The following EWSR1 variants were observed in gnomAD, a reference collection of about 807,000 sequenced individuals.
EWSR1 encodes EWS RNA binding protein 1.
A neutral mutation model predicts 92.1 loss-of-function variants in EWSR1; 14 were observed. The ratio of observed to expected loss-of-function variants is 0.15; its 90% CI spans 0.10 to 0.24. The LOEUF is 0.24. EWSR1 is among the 10% of genes least tolerant of loss of function. EWSR1 has a pLI of 1.00. For missense variants in EWSR1, 637 were observed against 870.9 expected, an observed-to-expected ratio of 0.73 and a Z score of 3.38; for synonymous variants, 303 against 292.9, an observed-to-expected ratio of 1.03 and a Z score of -0.35.
chr22:29,269,311 A>AG (rs1308519403), intron 1 of EWSR1: 3 of 152,170 alleles, frequency 2.0e-5, no homozygotes, highest in South Asian at 2.1e-4. Context: ...GACAGAGGAG[A>AG]GGGGAAAAAA....
At chr22:29,273,007 A>G (rs899180249) in intron 3 of EWSR1, among the ~76,000 whole-genome samples, 7 of 152,252 alleles carry the variant, frequency 4.6e-5, no homozygotes, top group African/African-American at 1.7e-4. Context: ...AATAACTGCC[A>G]TGGAAACATG....
intron 12 of EWSR1, 152 bp downstream of exon 12, chr22:29,296,520 A>G: frequency 1.2e-6 from 1 of 803,794 alleles, no homozygotes; most frequent in East Asian, 2.6e-5. Flanking sequence ...GCACCCAGCC[A>G]TTGACCCTGG....
At chr22:29,271,799 A>G (rs574141596) in intron 1 of EWSR1, among the ~76,000 whole-genome samples, 2 of 152,322 alleles carry the variant, frequency 1.3e-5, no homozygotes, top group Non-Finnish European at 2.9e-5. Flanking sequence ...AACGTAACCA[A>G]TCTAGTGTTA....
At chr22:29,291,379 G>A in intron 8 of EWSR1, 183 bp from the exon 9 acceptor site, 1 of 563,196 alleles carries the variant, frequency 1.8e-6, no homozygotes, top group Non-Finnish European at 3.1e-6. Context: ...AGACAAGCAA[G>A]GTTGTATATT....
Position 29,299,578 on chromosome 22 carries a change from G to A in EWSR1, c.1679-21G>A, listed in dbSNP as rs370617862. The A allele has an allele frequency of 8.9e-5, 140 of 1,566,928 alleles. 1 individual carries two copies. Among genetic ancestry groups the A allele is most frequent in the Admixed American group, 8.2e-4 (47 of 57,112 alleles). ...CTGCAGCCACCCACTGACTGCTTTC[G>A]CCCTGCTATTCTCACCTTAGGTGGT... On this transcript the variant is annotated intron_variant, in intron 15 of 16. Transcript: ENST00000397938.
intron 13 of EWSR1, 52 bp from the exon 14 acceptor site, chr22:29,298,681 A>G: frequency 1.2e-6 from 2 of 1,605,478 alleles, no homozygotes; most frequent in Non-Finnish European, 8.5e-7. Flanking sequence ...TCCTATAGCA[A>G]ATTTGGTGCT....
intron 8 of EWSR1, chr22:29,289,731 C>T (rs1388841689): frequency 4.3e-6 from 1 of 232,094 alleles, no homozygotes; most frequent in Non-Finnish European, 8.5e-6. Context: ...ACAGAATGAA[C>T]TTCAAAATTA....
rs199957418 is a variant in EWSR1 at position 29,299,607 on chromosome 22, C to G, written c.1687C>G (p.Arg563Gly). 6.3e-7 allele frequency: 1 copy of G among 1,598,270 alleles called. No homozygotes were observed. The highest frequency in any genetic ancestry group is 1.7e-5 in the Admixed American group (1 of 59,436). The change falls in exon 16 of 17, where the codon CGT (arginine) becomes GGT (glycine). Residue 563 changes from arginine to glycine, a missense_variant. Arg to Gly is a moderately radical substitution (Grantham distance 125). Transcript: ENST00000397938. ...PPPFPPPGGD[R>G]GRGGPGGMRG... The stretch of plus-strand genomic sequence containing the variant: ...TGCTATTCTCACCTTAGGTGGTGAT[C>G]GTGGCAGAGGTGGCCCTGGTGGCAT...
chr22:29,282,106 T>G (rs902968293), intron 5 of EWSR1, among the ~76,000 whole-genome samples: 3 of 152,214 alleles, frequency 2.0e-5, no homozygotes, highest in Non-Finnish European at 2.9e-5. Flanking sequence ...AACGCACTTT[T>G]ATAGCGTTTA....
At chr22:29,287,428 G>A (rs1006191588) in intron 7 of EWSR1, among the ~76,000 whole-genome samples, 5 of 152,216 alleles carry the variant, frequency 3.3e-5, no homozygotes, top group Middle Eastern at 3.4e-3. Context: ...GGCTGGTCTC[G>A]AACTCCTGAC....
In EWSR1 at chr22:29,288,082, A is replaced by T. The variant is rs554247272; in HGVS notation, c.794-524A>T. Reference sequence around the variant, plus strand: ...GGAAAAATAATCCTCCTCACAGAATATTTGCAGTTCTTCTGTATGGAGAGA... The same window carrying T: ...GGAAAAATAATCCTCCTCACAGAATTTTTGCAGTTCTTCTGTATGGAGAGA... On this transcript the variant is annotated intron_variant, in intron 7 of 16. Coordinates refer to ENST00000397938, the MANE Select transcript of EWSR1 (RefSeq NM_005243.4). Among the ~76,000 whole-genome samples, 22 of 152,304 alleles carry T rather than the reference A, an allele frequency of 1.4e-4. No individual in the cohort carries two copies. The South Asian group carries it at 4.6e-3, about 32-fold the overall frequency.
rs2061113608 is a variant in EWSR1, at chr22:29,298,952, C to CCCATCCCCACTCTAGAGTGGATTG, written c.1580+59_1580+82dup. On this transcript the variant is annotated intron_variant, in intron 14 of 16. Coordinates refer to ENST00000397938, the MANE Select transcript of EWSR1 (RefSeq NM_005243.4). ...ACGAGTGAAGCCACCCTTCCCTCAC[C>CCCATCCCCACTCTAGAGTGGATTG]CCATCCCCACTCTAGAGTGGATTGC... is the stretch of plus-strand genomic sequence containing the variant. 13 of 1,482,598 alleles carry CCCATCCCCACTCTAGAGTGGATTG rather than the reference C, an allele frequency of 8.8e-6. No homozygotes were observed. The South Asian group carries it at 1.6e-4, about 18-fold the overall frequency. 91.8% of individuals were successfully genotyped at this position (1,482,598 alleles called of 1,614,324 possible).
intron 1 of EWSR1, among the ~76,000 whole-genome samples, chr22:29,270,122 G>A (rs931094220): frequency 6.6e-6 from 1 of 152,192 alleles, no homozygotes; most frequent in African/African-American, 2.4e-5. Flanking sequence ...GCTGACTTCA[G>A]CTCAGGTACT....
At position 29,275,660 on chromosome 22, in the gene EWSR1, A is replaced by T. The variant is rs572381143; in HGVS notation, c.226+1796A>T. ...CACATGCTGCATTTTTCCTTACCTC[A>T]TACTGCCTTTACACATGAAAGTTAT... On this transcript the variant is annotated intron_variant, in intron 4 of 16. Coordinates refer to ENST00000397938, the MANE Select transcript of EWSR1 (RefSeq NM_005243.4). The T allele has an allele frequency of 2.2e-5, 5 of 229,518 alleles. No homozygotes were observed. In the East Asian group the frequency reaches 3.1e-4, roughly 14 times the overall value. The allele number at this position is 229,518 out of a possible 1,614,324, so 14.2% of individuals were successfully genotyped here. A position where few individuals can be genotyped will look rare whatever the true frequency, so the allele number is the denominator to read the frequency against.
In EWSR1 at chr22:29,296,354, T is replaced by C; in HGVS notation, c.1280T>C (p.Val427Ala). 1.2e-6 allele frequency: 2 copies of C among 1,614,120 alleles called. No individual in the cohort carries two copies. Among genetic ancestry groups the C allele is most frequent in the Non-Finnish European group, 1.7e-6 (2 of 1,179,970 alleles). ...GACCCACCCACTGCCAAGGCTGCCG[T>C]GGAATGGTTTGATGGTGAGATGTAC... ...YEDPPTAKAA[V>A]EWFDGKDFQG... Residue 427 changes from valine to alanine, a missense_variant, in exon 12 of 17, where the codon GTG (valine) becomes GCG (alanine). Physicochemically the swap from Val to Ala is moderately conservative, Grantham distance 64 (BLOSUM62 0). Transcript: ENST00000397938.
intron 7 of EWSR1, among the ~76,000 whole-genome samples, 173 bp from the exon 8 acceptor site, chr22:29,288,433 A>G (rs1308592702): frequency 3.6e-4 from 55 of 152,240 alleles, no homozygotes; most frequent in Non-Finnish European, 8.8e-5. Context: ...ATGATCCAGC[A>G]GTTTTGTTGA....
At chr22:29,299,020 G>T in intron 14 of EWSR1, 125 bp downstream of exon 14, 2 of 1,319,352 alleles carry the variant, frequency 1.5e-6, no homozygotes, top group African/African-American at 1.5e-5. Context: ...GGCTGGTTAG[G>T]GACACTAGTC....
chr22:29,277,479 C>T (rs2059213326), intron 4 of EWSR1: 3 of 226,352 alleles, frequency 1.3e-5, no homozygotes, highest in East Asian at 6.4e-5. Context: ...TTGTGCTTCA[C>T]ATGATGTTAG....
intron 8 of EWSR1, chr22:29,289,597 C>T (rs1310424427): frequency 3.5e-5 from 8 of 231,792 alleles, no homozygotes; most frequent in Non-Finnish European, 6.0e-5. Context: ...AGGCTTAGTT[C>T]TGTGTGTGTT....
Sources: allele counts gnomAD v4.1 joint callset (sites outside exome capture counted in the v4.1 genomes callset), GRCh38; gene constraint gnomAD v4.1.1; transcripts MANE v1.5; gene names NCBI Gene and HGNC (gene_info 2026-07-23, HGNC 2026-07-21).